LINGO2: variants seen among roughly 807,000 people sequenced by gnomAD.
The protein encoded by LINGO2 is leucine rich repeat and Ig domain containing 2, also known as leucine-rich repeat and immunoglobulin-like domain-containing nogo receptor-interacting protein 2.
In LINGO2, 14 loss-of-function variants were observed where a neutral mutation model predicts 30.6. The observed-to-expected ratio is 0.46, with a 90% CI of 0.30 to 0.72. The LOEUF (loss-of-function observed/expected upper bound fraction) is 0.72, where lower values mean the gene tolerates loss of function less well. LINGO2 is among the 30% of genes least tolerant of loss of function. LINGO2 has a pLI of 0.07. For missense variants in LINGO2, 729 were observed against 751.7 expected, an observed-to-expected ratio of 0.97 and a Z score of 0.35; for synonymous variants, 317 against 288.5, an observed-to-expected ratio of 1.10 and a Z score of -1.00.
chr9:28,213,864 G>A (rs1820676615), intron 4 of LINGO2, among the ~76,000 whole-genome samples: 1 of 151,236 alleles, frequency 6.6e-6, no homozygotes, highest in Admixed American at 6.6e-5. Flanking sequence ...GGAAAAAATG[G>A]CAATCCTTTA....
chr9:28,430,109 C>CGCGCGCGTGTGCGCGCGCGCGCGTGT (rs569701444), intron 2 of LINGO2, among the ~76,000 whole-genome samples: 2 of 136,100 alleles, frequency 1.5e-5, no homozygotes, highest in Non-Finnish European at 3.3e-5. Flanking sequence ...CGCGCGCGCG[C>CGCGCGCGTGTGCGCGCGCGCGCGTGT]GTGTGTGTGT....
chr9:28,680,931 G>A, the LINGO2 span, among the ~76,000 whole-genome samples: 2 of 152,014 alleles, frequency 1.3e-5, no homozygotes, highest in African/African-American at 2.4e-5. Context: ...TGGCTGTGCG[G>A]AAGGTTTTCA....
the LINGO2 span, among the ~76,000 whole-genome samples, chr9:29,101,564 G>T: frequency 6.6e-6 from 1 of 152,028 alleles, no homozygotes; most frequent in East Asian, 1.9e-4. Context: ...TTCTCACACA[G>T]ATCACTCTTC....
chr9:28,950,350 T>TC, the LINGO2 span, among the ~76,000 whole-genome samples: 4 of 152,280 alleles, frequency 2.6e-5, no homozygotes, highest in Middle Eastern at 3.4e-3. Flanking sequence ...AAGGATGTCC[T>TC]CTCTCACCAC....
Position 27,969,037 on chromosome 9 carries a change from T to A in LINGO2, c.-35-18331A>T, listed in dbSNP as rs369996462. 8.5e-5 allele frequency among the ~76,000 whole-genome samples: 13 copies of A among 152,092 alleles called. No individual in the cohort carries two copies. In the East Asian group the frequency reaches 1.9e-3, roughly 23 times the overall value. Reference sequence around the variant, plus strand: ...CATTAATATTTACATTAATATAATATACATGCTAATTATCCTCTTCTGAAT... The same window carrying A: ...CATTAATATTTACATTAATATAATAAACATGCTAATTATCCTCTTCTGAAT... On this transcript the variant is annotated intron_variant, in intron 5 of 5. Transcript: ENST00000379992.
the LINGO2 span, among the ~76,000 whole-genome samples, chr9:29,098,471 G>A: frequency 1.5e-3 from 218 of 150,330 alleles, no homozygotes; most frequent in African/African-American, 4.0e-3. Flanking sequence ...ACACATATGC[G>A]CACACACACA....
intron 2 of LINGO2, among the ~76,000 whole-genome samples, chr9:28,383,805 A>T (rs745964651): frequency 6.6e-6 from 1 of 151,944 alleles, no homozygotes; most frequent in African/African-American, 2.4e-5. Flanking sequence ...TTAAACAGAG[A>T]TTTTAATATA....
the LINGO2 span, among the ~76,000 whole-genome samples, chr9:29,161,204 G>C: frequency 6.6e-6 from 1 of 152,126 alleles, no homozygotes; most frequent in African/African-American, 2.4e-5. Flanking sequence ...GAGGCGCAGA[G>C]CCACAGCAAA....
chr9:28,541,358 T>C (rs1216189278), intron 1 of LINGO2, among the ~76,000 whole-genome samples: 5 of 152,164 alleles, frequency 3.3e-5, no homozygotes, highest in South Asian at 4.1e-4. Flanking sequence ...TATTCTATCA[T>C]AGGTTTATTT....
chr9:28,875,402 A>G, the LINGO2 span, among the ~76,000 whole-genome samples: 1 of 152,070 alleles, frequency 6.6e-6, no homozygotes, highest in Non-Finnish European at 1.5e-5. Flanking sequence ...TTCATCCTGA[A>G]CACTCTGGCA....
intron 1 of LINGO2, among the ~76,000 whole-genome samples, chr9:28,615,704 T>C (rs1337504024): frequency 6.6e-6 from 1 of 152,188 alleles, no homozygotes; most frequent in East Asian, 1.9e-4. Flanking sequence ...ACTGGATTGG[T>C]ATCTTTATAG....
At chr9:28,989,026 T>G in the LINGO2 span, among the ~76,000 whole-genome samples, 2 of 152,202 alleles carry the variant, frequency 1.3e-5, no homozygotes, top group East Asian at 1.9e-4. Context: ...AATTATATAT[T>G]TTTAAATTCA....
chr9:28,926,498 T>G, the LINGO2 span, among the ~76,000 whole-genome samples: 1 of 151,128 alleles, frequency 6.6e-6, no homozygotes, highest in Non-Finnish European at 1.5e-5. Flanking sequence ...GACAAAGATA[T>G]AATCTAAAAG....
In LINGO2 at chr9:28,539,501, TA is replaced by T. The variant is rs914544168; in HGVS notation, c.-364-63477del. Among the ~76,000 whole-genome samples, 460 of 143,940 alleles carry T rather than the reference TA, an allele frequency of 3.2e-3. 2 individuals carry two copies. Among genetic ancestry groups the T allele is most frequent in the Middle Eastern group, 0.014 (4 of 288 alleles). 94.4% of individuals were successfully genotyped at this position (143,940 alleles called of 152,430 possible). On this transcript the variant is annotated intron_variant, in intron 1 of 5. Transcript: ENST00000379992. Reference sequence around the variant, plus strand: ...ACACACACATGAAATTTTAGCAAAATAAAAAAAAAAACAAGGCAAACAATTT... The same window carrying T: ...ACACACACATGAAATTTTAGCAAAATAAAAAAAAAACAAGGCAAACAATTT...
the LINGO2 span, among the ~76,000 whole-genome samples, chr9:28,923,223 C>T: frequency 0.74 from 112,394 of 152,084 alleles, 41,791 homozygotes; most frequent in Non-Finnish European, 0.79. Flanking sequence ...ATGGTGACTA[C>T]ATTTCCCTAA....
intron 3 of LINGO2, among the ~76,000 whole-genome samples, chr9:28,316,679 A>G (rs1231233320): frequency 6.6e-6 from 1 of 152,166 alleles, no homozygotes; most frequent in East Asian, 1.9e-4. Context: ...TATGAAACCA[A>G]TATACACAGA....
At chr9:29,057,926 A>G in the LINGO2 span, among the ~76,000 whole-genome samples, 1 of 152,144 alleles carries the variant, frequency 6.6e-6, no homozygotes, top group Non-Finnish European at 1.5e-5. Flanking sequence ...ATAGAGTTCA[A>G]CGACAAGGCT....
At chr9:28,179,846 C>T (rs1349422185) in intron 4 of LINGO2, among the ~76,000 whole-genome samples, 1 of 151,726 alleles carries the variant, frequency 6.6e-6, no homozygotes, top group Non-Finnish European at 1.5e-5. Context: ...ACTGTAGTTT[C>T]TGAGTGCCTG....
At chr9:28,222,966 A>T (rs1278592183) in intron 4 of LINGO2, among the ~76,000 whole-genome samples, 1 of 152,168 alleles carries the variant, frequency 6.6e-6, no homozygotes, top group Non-Finnish European at 1.5e-5. Context: ...TATATTTCTA[A>T]AGAACAAGAA....
Sources: allele counts gnomAD v4.1 joint callset (sites outside exome capture counted in the v4.1 genomes callset), GRCh38; gene constraint gnomAD v4.1.1; transcripts MANE v1.5; gene names NCBI Gene and HGNC (gene_info 2026-07-23, HGNC 2026-07-21).